PRDM16: variants seen among roughly 807,000 people sequenced by gnomAD.
The protein encoded by PRDM16 is PR/SET domain 16.
PRDM16 carries 23 observed loss-of-function variants against 110.6 expected under a neutral mutation model. The ratio of observed to expected loss-of-function variants is 0.21; its 90% CI spans 0.15 to 0.29. The LOEUF (loss-of-function observed/expected upper bound fraction) is 0.29. Among genes scored for constraint, PRDM16 ranks in the 10% least tolerant of loss-of-function variants. The pLI is 1.00. For missense variants in PRDM16, 1,615 were observed against 1,794.3 expected, an observed-to-expected ratio of 0.90 and a Z score of 1.81; for synonymous variants, 799 against 781.8, an observed-to-expected ratio of 1.02 and a Z score of -0.37.
At chr1:3,141,475 C>T (rs1643548519) in intron 1 of PRDM16, among the ~76,000 whole-genome samples, 1 of 152,204 alleles carries the variant, frequency 6.6e-6, no homozygotes, top group Admixed American at 6.5e-5. Context: ...CTCCAAGGCT[C>T]AATAAATATT....
At chr1:3,240,380 C>T (rs189238276) in intron 2 of PRDM16, among the ~76,000 whole-genome samples, 2 of 147,836 alleles carry the variant, frequency 1.4e-5, no homozygotes, top group African/African-American at 5.0e-5. Context: ...CACCACTGCA[C>T]TCCAGCCTGG....
At chr1:3,279,086 G>C (rs1640653071) in intron 3 of PRDM16, among the ~76,000 whole-genome samples, 1 of 152,238 alleles carries the variant, frequency 6.6e-6, no homozygotes. Context: ...AAAGGAAGGA[G>C]GTGGATGCAG....
intron 1 of PRDM16, among the ~76,000 whole-genome samples, chr1:3,108,969 C>T (rs1179567030): frequency 3.3e-5 from 5 of 151,724 alleles, no homozygotes; most frequent in African/African-American, 1.2e-4. Context: ...ATAATCCCAG[C>T]TACTCAGGAG....
At chr1:3,195,173 A>G (rs1015344959) in intron 2 of PRDM16, among the ~76,000 whole-genome samples, 2 of 152,294 alleles carry the variant, frequency 1.3e-5, no homozygotes, top group African/African-American at 4.8e-5. Context: ...GGGGACAGGG[A>G]TGCAGAGAAA....
chr1:3,381,143 C>T (rs1643094821), intron 3 of PRDM16, among the ~76,000 whole-genome samples: 1 of 152,214 alleles, frequency 6.6e-6, no homozygotes, highest in South Asian at 2.1e-4. Flanking sequence ...TCCCCCAGGA[C>T]AAGCACACAT....
At chr1:3,130,757 T>A (rs1168157550) in intron 1 of PRDM16, among the ~76,000 whole-genome samples, 1 of 150,912 alleles carries the variant, frequency 6.6e-6, no homozygotes, top group Non-Finnish European at 1.5e-5. Context: ...CCCCGTGAGC[T>A]GCATGGCCTT....
chr1:3,231,164 G>A lies in PRDM16; in HGVS notation c.388-12923G>A, dbSNP rs190352979. On this transcript the variant is annotated intron_variant, in intron 2 of 16. Transcript: ENST00000270722. ...CCTGTGTGACCTCCGTCCCATACAC[G>A]TTTTTGTTTATTTTTACAACCCTTC... is the stretch of plus-strand genomic sequence containing the variant. Among the ~76,000 whole-genome samples the A allele has an allele frequency of 6.6e-3, 1,001 of 152,256 alleles. 12 individuals carry two copies. Among genetic ancestry groups the A allele is most frequent in the African/African-American group, 0.023 (953 of 41,536 alleles).
chr1:3,293,915 G>A (rs889683851), intron 3 of PRDM16, among the ~76,000 whole-genome samples: 7 of 152,326 alleles, frequency 4.6e-5, no homozygotes, highest in South Asian at 2.1e-4. Context: ...CAGCACACTC[G>A]TGGGTGCCGG....
chr1:3,433,531 T>C lies in PRDM16; in HGVS notation c.3697-146T>C, dbSNP rs28551116. On this transcript the variant is annotated intron_variant, in intron 16 of 16. Transcript: ENST00000270722. Reference sequence around the variant, plus strand: ...CTGCCCACGCGCTCACCTGCCTGTCTGGGATGGCCCGCCCTGCCCACGCGC... The same window carrying C: ...CTGCCCACGCGCTCACCTGCCTGTCCGGGATGGCCCGCCCTGCCCACGCGC... 6,474 of 348,614 alleles carry C rather than the reference T, an allele frequency of 0.019. 439 individuals are homozygous for C. Among genetic ancestry groups the C allele is most frequent in the African/African-American group, 0.13 (2,842 of 21,794 alleles). 21.6% of individuals were successfully genotyped at this position (348,614 alleles called of 1,614,324 possible).
At chr1:3,318,268 C>T (rs998049579) in intron 3 of PRDM16, among the ~76,000 whole-genome samples, 4 of 152,170 alleles carry the variant, frequency 2.6e-5, no homozygotes, top group Non-Finnish European at 5.9e-5. Context: ...TGTGTCCCAT[C>T]GGGTTCTTAA....
At chr1:3,234,279 C>T (rs896386240) in intron 2 of PRDM16, among the ~76,000 whole-genome samples, 1 of 152,186 alleles carries the variant, frequency 6.6e-6, no homozygotes, top group Non-Finnish European at 1.5e-5. Flanking sequence ...GAGACAGGGG[C>T]TTTCAGAGCT....
chr1:3,181,292 A>T (rs1437214898), intron 1 of PRDM16, among the ~76,000 whole-genome samples: 1 of 117,492 alleles, frequency 8.5e-6, no homozygotes, highest in Non-Finnish European at 2.0e-5. Flanking sequence ...GGTCTTACAC[A>T]CGCAGTCTTA....
chr1:3,404,226 C>T (rs767024866), intron 6 of PRDM16, among the ~76,000 whole-genome samples: 1 of 152,230 alleles, frequency 6.6e-6, no homozygotes, highest in Non-Finnish European at 1.5e-5. Flanking sequence ...CCAAGTGCAG[C>T]GGCCCCTCCG....
intron 1 of PRDM16, among the ~76,000 whole-genome samples, chr1:3,162,889 G>C (rs868561396): frequency 2.5e-3 from 360 of 143,280 alleles, no homozygotes; most frequent in African/African-American, 9.3e-3. Flanking sequence ...GAGGGGATGT[G>C]CGCAGAAGCC....
At position 3,209,448 on chromosome 1, in the gene PRDM16, C is replaced by T. The variant is rs939906717; in HGVS notation, c.387+22974C>T. Among the ~76,000 whole-genome samples the T allele has an allele frequency of 6.6e-6, 1 of 152,130 alleles. No individual in the cohort carries two copies. The highest frequency in any genetic ancestry group is 1.5e-5 in the Non-Finnish European group (1 of 68,018). Reference sequence around the variant, plus strand: ...TCTTCCTGGGGAGGCCTGTGAAGGTCGCGTGAATGCCTGTGTCCCCCGGGA... The same window carrying T: ...TCTTCCTGGGGAGGCCTGTGAAGGTTGCGTGAATGCCTGTGTCCCCCGGGA... On this transcript the variant is annotated intron_variant, in intron 2 of 16. Coordinates refer to ENST00000270722, the MANE Select transcript of PRDM16 (RefSeq NM_022114.4). This position sits in a 1 kb window ranked among gnomAD's most constrained non-coding sequence, Gnocchi z 4.6.
At chr1:3,166,352 G>A (rs973233575) in intron 1 of PRDM16, among the ~76,000 whole-genome samples, 3 of 152,246 alleles carry the variant, frequency 2.0e-5, no homozygotes, top group East Asian at 3.9e-4. Context: ...CAGGCCAGGC[G>A]TCTGACCGTG....
intron 1 of PRDM16, among the ~76,000 whole-genome samples, chr1:3,180,714 G>A (rs528058555): frequency 7.5e-6 from 1 of 132,510 alleles, no homozygotes; most frequent in Non-Finnish European, 1.6e-5. Context: ...GCAGACGGGA[G>A]ACCCTTCCTC....
In PRDM16 at chr1:3,350,152, C is replaced by T. The variant is rs1241733659; in HGVS notation, c.439-35000C>T. On this transcript the variant is annotated intron_variant, in intron 3 of 16. Coordinates refer to ENST00000270722, the MANE Select transcript of PRDM16 (RefSeq NM_022114.4). This position sits in a 1 kb window ranked among gnomAD's most constrained non-coding sequence, Gnocchi z 7.1. ...GCCAGCCTGGACAACATAGCAAGAC[C>T]CTATCTCTACAAAAAATACAAAAAT... 6.6e-6 allele frequency among the ~76,000 whole-genome samples: 1 copy of T among 152,140 alleles called. No homozygotes were observed.
chr1:3,240,801 T>C (rs930123185), intron 2 of PRDM16, among the ~76,000 whole-genome samples: 3 of 152,252 alleles, frequency 2.0e-5, no homozygotes, highest in South Asian at 2.1e-4. Flanking sequence ...AGAGGGTATT[T>C]ATTTTAAGAG....
Sources: allele counts gnomAD v4.1 joint callset (sites outside exome capture counted in the v4.1 genomes callset), GRCh38; gene constraint gnomAD v4.1.1; non-coding constraint Gnocchi (gnomAD v3.1); transcripts MANE v1.5; gene names NCBI Gene and HGNC (gene_info 2026-07-23, HGNC 2026-07-21).